Variants in MARCHF1 observed in about 807,000 individuals in gnomAD.
The protein encoded by MARCHF1 is membrane associated ring-CH-type finger 1.
Under a neutral mutation model 54.2 loss-of-function variants are expected in MARCHF1, and 40 were observed. The observed-to-expected ratio is 0.74, with a 90% confidence interval of 0.57 to 0.96. The LOEUF (loss-of-function observed/expected upper bound fraction) is 0.96, where lower values mean the gene tolerates loss of function less well. Ranked by LOEUF, MARCHF1 falls within the 40% of genes least tolerant of loss-of-function variation. The probability of loss-of-function intolerance (pLI) is 0.00; values close to 1 mark genes in which losing one functional copy is unlikely to be tolerated. For synonymous variants in MARCHF1, 236 were observed against 236.3 expected, an observed-to-expected ratio of 1.00 and a Z score of 0.01; for missense variants, 586 against 656.5, an observed-to-expected ratio of 0.89 and a Z score of 1.17.
At chr4:164,176,938 TGC>T (rs1328105241) in intron 1 of MARCHF1, among the ~76,000 whole-genome samples, 6 of 96,150 alleles carry the variant, frequency 6.2e-5, no homozygotes, top group African/African-American at 1.1e-4. Flanking sequence ...GAGTACCTTG[TGC>T]GCTCTCTCTC....
intron 1 of MARCHF1, among the ~76,000 whole-genome samples, chr4:164,170,344 T>C (rs997834193): frequency 1.3e-5 from 2 of 151,936 alleles, no homozygotes; most frequent in African/African-American, 4.8e-5. Flanking sequence ...ATCTTTAGAG[T>C]TTGTGATAAA....
intron 2 of MARCHF1, among the ~76,000 whole-genome samples, chr4:164,038,713 CTG>C (rs1344288521): frequency 6.6e-6 from 1 of 152,140 alleles, no homozygotes; most frequent in African/African-American, 2.4e-5. Flanking sequence ...CTCTTCATGT[CTG>C]TCTTGTATCC....
At chr4:163,934,372 A>G (rs1751747662) in intron 3 of MARCHF1, among the ~76,000 whole-genome samples, 3 of 151,918 alleles carry the variant, frequency 2.0e-5, no homozygotes, top group Admixed American at 2.0e-4. Context: ...AAACCTGGGC[A>G]ACATAGAAAT....
At chr4:164,100,899 G>C (rs551777085) in intron 2 of MARCHF1, among the ~76,000 whole-genome samples, 1 of 152,236 alleles carries the variant, frequency 6.6e-6, no homozygotes, top group South Asian at 2.1e-4. Context: ...AGGTCAGTGG[G>C]TGCGCGCACA....
At chr4:163,728,680 G>A (rs6816308) in intron 4 of MARCHF1, among the ~76,000 whole-genome samples, 1 of 152,044 alleles carries the variant, frequency 6.6e-6, no homozygotes. Flanking sequence ...TCACTTCCTA[G>A]GTTTAGCCTT....
chr4:164,261,710 G>A (rs2111277811), intron 1 of MARCHF1, among the ~76,000 whole-genome samples: 1 of 152,152 alleles, frequency 6.6e-6, no homozygotes, highest in East Asian at 1.9e-4. Flanking sequence ...CAGTTCAAAT[G>A]TCACTTCCCT....
At chr4:163,590,546 C>T (rs984698029) in intron 7 of MARCHF1, among the ~76,000 whole-genome samples, 1 of 152,142 alleles carries the variant, frequency 6.6e-6, no homozygotes, top group Non-Finnish European at 1.5e-5. Context: ...TCTTAATATA[C>T]TGCCACTCTT....
intron 5 of MARCHF1, among the ~76,000 whole-genome samples, chr4:163,673,979 C>A (rs1380352759): frequency 2.0e-5 from 3 of 151,982 alleles, no homozygotes; most frequent in Non-Finnish European, 4.4e-5. Context: ...AAACAAAAAC[C>A]CAACTTGGTC....
intron 1 of MARCHF1, among the ~76,000 whole-genome samples, chr4:164,300,863 C>T (rs570004419): frequency 3.9e-5 from 6 of 152,152 alleles, no homozygotes; most frequent in East Asian, 1.9e-4. Flanking sequence ...AATGGTAAAG[C>T]GGGAGAATTT....
At chr4:163,841,341 C>G (rs919318278) in intron 4 of MARCHF1, among the ~76,000 whole-genome samples, 3 of 151,952 alleles carry the variant, frequency 2.0e-5, no homozygotes, top group Admixed American at 1.3e-4. Flanking sequence ...GGGATGTTAA[C>G]AGTTGGGGAG....
intron 5 of MARCHF1, among the ~76,000 whole-genome samples, chr4:163,633,716 A>G: frequency 6.6e-6 from 1 of 152,212 alleles, no homozygotes; most frequent in Non-Finnish European, 1.5e-5. Flanking sequence ...GCAAGGCAGG[A>G]CAACATTCAG....
chr4:163,929,712 G>A (rs544970905), intron 3 of MARCHF1, among the ~76,000 whole-genome samples: 2 of 150,956 alleles, frequency 1.3e-5, no homozygotes, highest in Admixed American at 1.3e-4. Flanking sequence ...GCTATAATAT[G>A]TGGTAGAAAT....
In MARCHF1 at chr4:163,607,348, A is replaced by G. The variant is rs558855877; in HGVS notation, c.1010+4923T>C. ...AAAAAAGCACAGATCAGAAACTAGTATCTGGAGAAAGAAATGTCAGTACTT... is the reference window on the plus strand; with the variant it reads ...AAAAAAGCACAGATCAGAAACTAGTGTCTGGAGAAAGAAATGTCAGTACTT... On this transcript the variant is annotated intron_variant, in intron 7 of 9. Transcript: ENST00000514618. Among the ~76,000 whole-genome samples, 10 of 152,218 alleles carry G rather than the reference A, an allele frequency of 6.6e-5. No homozygotes were observed. In the South Asian group the frequency reaches 2.1e-3, roughly 32 times the overall value.
At chr4:163,692,678 T>C (rs190240869) in intron 5 of MARCHF1, among the ~76,000 whole-genome samples, 1 of 151,516 alleles carries the variant, frequency 6.6e-6, no homozygotes, top group Admixed American at 6.6e-5. Context: ...CTAACTGATA[T>C]TTGGAAAGGA....
At chr4:164,063,273 C>T (rs1444028128) in intron 2 of MARCHF1, among the ~76,000 whole-genome samples, 1 of 152,186 alleles carries the variant, frequency 6.6e-6, no homozygotes, top group Non-Finnish European at 1.5e-5. Context: ...GGACATCTCT[C>T]CAGGTATGAA....
At chr4:163,770,596 G>A (rs1000494252) in intron 4 of MARCHF1, among the ~76,000 whole-genome samples, 12 of 146,980 alleles carry the variant, frequency 8.2e-5, no homozygotes, top group Admixed American at 1.4e-4. Context: ...ATGCACTCAC[G>A]TAATAATGAT....
chr4:163,879,994 G>T (rs1055037359), intron 3 of MARCHF1, among the ~76,000 whole-genome samples: 1 of 151,924 alleles, frequency 6.6e-6, no homozygotes, highest in African/African-American at 2.4e-5. Flanking sequence ...AGCTGCCCAT[G>T]ATGGCTAAGA....
intron 1 of MARCHF1, among the ~76,000 whole-genome samples, chr4:164,216,749 T>C (rs1731945842): frequency 6.6e-6 from 1 of 152,178 alleles, no homozygotes; most frequent in Non-Finnish European, 1.5e-5. Context: ...AGCTGTCTCA[T>C]TCCTTGAGAA....
intron 4 of MARCHF1, among the ~76,000 whole-genome samples, chr4:163,830,037 G>A (rs147451611): frequency 9.5e-4 from 144 of 152,108 alleles, no homozygotes; most frequent in African/African-American, 3.2e-3. Flanking sequence ...AGGATTTTGT[G>A]GGTAAATTGT....
Sources: gnomAD v4.1 joint callset for allele counts (sites outside exome capture counted in the v4.1 genomes callset) on GRCh38, gnomAD v4.1.1 for gene constraint, MANE v1.5 for transcripts, NCBI Gene and HGNC (gene_info 2026-07-23, HGNC 2026-07-21) for gene names.